CFAP20DC: variants seen among roughly 807,000 people sequenced by gnomAD.
CFAP20DC encodes CFAP20 domain containing.
CFAP20DC carries 84 observed loss-of-function variants against 101.7 expected under a neutral mutation model. That is an observed-to-expected ratio of 0.83 (90% CI 0.69 to 0.99). The LOEUF is 0.99. Among genes scored for constraint, CFAP20DC ranks in the 50% least tolerant of loss-of-function variants. The pLI, the probability that CFAP20DC is intolerant of heterozygous loss-of-function variation, is 0.00. For synonymous variants in CFAP20DC, 359 were observed against 351.2 expected (o/e 1.02, Z -0.25); for missense variants, 1,007 against 970.3 (o/e 1.04, Z -0.50).
intron 15 of CFAP20DC, among the ~76,000 whole-genome samples, chr3:58,759,950 G>C (rs1409918968): frequency 2.0e-5 from 3 of 152,168 alleles, no homozygotes; most frequent in Non-Finnish European, 4.4e-5. Context: ...TTGTAGTATA[G>C]TTTGAAGTCA....
intron 6 of CFAP20DC, among the ~76,000 whole-genome samples, chr3:58,906,721 G>A (rs1447701356): frequency 3.3e-5 from 5 of 152,088 alleles, no homozygotes; most frequent in Admixed American, 6.5e-5. Context: ...GAGTCTAGGA[G>A]TTCAAGACCA....
intron 4 of CFAP20DC, among the ~76,000 whole-genome samples, chr3:58,954,704 CT>C (rs1158185462): frequency 6.6e-6 from 1 of 152,134 alleles, no homozygotes; most frequent in African/African-American, 2.4e-5. Flanking sequence ...TTTAAATTCA[CT>C]GAAGATTCTT....
At chr3:58,851,433 A>C (rs1243303510) in intron 12 of CFAP20DC, among the ~76,000 whole-genome samples, 1 of 152,128 alleles carries the variant, frequency 6.6e-6, no homozygotes, top group Admixed American at 6.5e-5. Flanking sequence ...CATACTGAGT[A>C]ATTCTTGCAG....
At chr3:58,960,924 C>T (rs2091079788) in intron 4 of CFAP20DC, among the ~76,000 whole-genome samples, 1 of 151,908 alleles carries the variant, frequency 6.6e-6, no homozygotes, top group African/African-American at 2.4e-5. Context: ...CCTTCTTATC[C>T]TAGTTTGTGG....
At chr3:58,719,933 C>T (rs1454031108) in intron 3 of CFAP20DC, among the ~76,000 whole-genome samples, 2 of 152,236 alleles carry the variant, frequency 1.3e-5, no homozygotes, top group Non-Finnish European at 2.9e-5. Flanking sequence ...ATCTCCAGGC[C>T]TTCGTACTGG....
intron 3 of CFAP20DC, chr3:58,734,368 T>C (rs1417991640): frequency 5.6e-6 from 2 of 356,476 alleles, no homozygotes; most frequent in African/African-American, 2.1e-5. Flanking sequence ...GGAATGATGC[T>C]ATAGTCATTG....
intron 4 of CFAP20DC, among the ~76,000 whole-genome samples, chr3:58,995,452 A>G (rs915235174): frequency 1.3e-5 from 2 of 152,122 alleles, no homozygotes; most frequent in Admixed American, 1.3e-4. Flanking sequence ...TTCCAAAAGT[A>G]GTCTAAGTAA....
downstream of CFAP20DC, among the ~76,000 whole-genome samples, chr3:58,740,981 A>C (rs1180896965): frequency 6.6e-6 from 1 of 152,232 alleles, no homozygotes; most frequent in Non-Finnish European, 1.5e-5. This position sits in a 1 kb window ranked among gnomAD's most constrained non-coding sequence, Gnocchi z 4.6. Context: ...CTTTGTGAAC[A>C]ACAGGATTAA....
At chr3:58,926,291 G>C (rs1382008678) in intron 5 of CFAP20DC, among the ~76,000 whole-genome samples, 1 of 151,662 alleles carries the variant, frequency 6.6e-6, no homozygotes, top group Non-Finnish European at 1.5e-5. Flanking sequence ...GTTTGAACCT[G>C]AGAGGCAGAG....
At chr3:59,010,588 G>A (rs2108855629) in intron 4 of CFAP20DC, among the ~76,000 whole-genome samples, 1 of 148,508 alleles carries the variant, frequency 6.7e-6, no homozygotes, top group African/African-American at 2.5e-5. Flanking sequence ...AAGAAATGAG[G>A]TAGATGACAA....
chr3:58,946,381 T>A (rs545828426), intron 4 of CFAP20DC, among the ~76,000 whole-genome samples: 3 of 152,166 alleles, frequency 2.0e-5, no homozygotes, highest in Non-Finnish European at 1.5e-5. Context: ...CCTCCCAAAG[T>A]GCTGGGATTA....
chr3:58,963,080 G>A (rs1015999838), intron 4 of CFAP20DC, among the ~76,000 whole-genome samples: 3 of 151,966 alleles, frequency 2.0e-5, no homozygotes, highest in Admixed American at 1.3e-4. Context: ...CAATGGAGCT[G>A]CTGATTTTCA....
chr3:58,935,779 G>A (rs1280112355), intron 5 of CFAP20DC, among the ~76,000 whole-genome samples: 2 of 152,080 alleles, frequency 1.3e-5, no homozygotes, highest in East Asian at 3.8e-4. Context: ...AATTCAAGGT[G>A]GATTAAAGAC....
At chr3:58,821,659 G>A (rs1366337081) in intron 14 of CFAP20DC, among the ~76,000 whole-genome samples, 3 of 151,256 alleles carry the variant, frequency 2.0e-5, no homozygotes, top group Non-Finnish European at 4.4e-5. Flanking sequence ...GTGCTGGAGA[G>A]GATGTGGAGA....
intron 14 of CFAP20DC, among the ~76,000 whole-genome samples, chr3:58,820,392 C>T (rs1474517787): frequency 1.3e-5 from 2 of 150,458 alleles, no homozygotes; most frequent in South Asian, 2.1e-4. Context: ...ATCTAGAAAA[C>T]CCCATTGTCT....
At chr3:58,797,323 G>A (rs1400174094) in intron 15 of CFAP20DC, among the ~76,000 whole-genome samples, 1 of 152,180 alleles carries the variant, frequency 6.6e-6, no homozygotes, top group African/African-American at 2.4e-5. Context: ...AAGTGAAACA[G>A]CTTTAATTGG....
rs575762362 is a variant in CFAP20DC at position 58,886,240 on chromosome 3, A to G, written c.551-1531T>C. On this transcript the variant is annotated intron_variant, in intron 6 of 16. Transcript: ENST00000482387. ...AGCGTTTATAATTTCTGAAAAATAA[A>G]CAACTTAAATTTCCAGCACTTGAGG... 5.6e-4 allele frequency among the ~76,000 whole-genome samples: 86 copies of G among 152,316 alleles called. No individual in the cohort carries two copies. The South Asian group carries it at 0.011, about 19-fold the overall frequency.
At chr3:58,860,428 G>T (rs1313927106) in intron 12 of CFAP20DC, among the ~76,000 whole-genome samples, 2 of 152,158 alleles carry the variant, frequency 1.3e-5, no homozygotes, top group Non-Finnish European at 2.9e-5. Flanking sequence ...GTTAGAAGGA[G>T]AGAAGATACA....
intron 6 of CFAP20DC, among the ~76,000 whole-genome samples, chr3:58,890,302 C>G (rs1436924792): frequency 7.2e-6 from 1 of 139,682 alleles, no homozygotes; most frequent in Admixed American, 7.0e-5. Flanking sequence ...GCTGTCCGGG[C>G]GGGGGGCTGA....
Sources: gnomAD v4.1 joint callset for allele counts (sites outside exome capture counted in the v4.1 genomes callset) on GRCh38, gnomAD v4.1.1 for gene constraint, Gnocchi (gnomAD v3.1) non-coding constraint, MANE v1.5 for transcripts, NCBI Gene and HGNC (gene_info 2026-07-23, HGNC 2026-07-21) for gene names.